The following PAPPA2 variants were observed in gnomAD, a reference collection of about 807,000 sequenced individuals.
PAPPA2 encodes pappalysin-2.
PAPPA2 carries 86 observed loss-of-function variants against 176.4 expected under a neutral mutation model. That is an observed-to-expected ratio of 0.49 (90% CI 0.41 to 0.58). The LOEUF (loss-of-function observed/expected upper bound fraction) is 0.58. Among genes scored for constraint, PAPPA2 ranks in the 20% least tolerant of loss-of-function variants. The pLI, the probability that PAPPA2 is intolerant of heterozygous loss-of-function variation, is 0.00. For missense variants in PAPPA2, 2,073 were observed against 2,256.9 expected (o/e 0.92, Z 1.65); for synonymous variants, 809 against 852.2 (o/e 0.95, Z 0.88).
At chr1:176,833,195 A>G (rs947751913) in intron 21 of PAPPA2, among the ~76,000 whole-genome samples, 3 of 152,194 alleles carry the variant, frequency 2.0e-5, no homozygotes, top group Non-Finnish European at 4.4e-5. Context: ...TTCAACTGTT[A>G]GCCGAAAACA....
At chr1:176,731,707 GTA>G (rs1176988904) in intron 12 of PAPPA2, among the ~76,000 whole-genome samples, 3 of 151,268 alleles carry the variant, frequency 2.0e-5, no homozygotes, top group South Asian at 2.1e-4. Flanking sequence ...ACATATATGT[GTA>G]TATATACACA....
intron 2 of PAPPA2, among the ~76,000 whole-genome samples, chr1:176,581,353 G>A (rs529617169): frequency 3.4e-4 from 51 of 152,202 alleles, no homozygotes; most frequent in African/African-American, 1.2e-3. Context: ...ATGCTATTTT[G>A]GTTACTATAG....
At chr1:176,698,730 T>A (rs970476442) in intron 7 of PAPPA2, among the ~76,000 whole-genome samples, 3 of 152,230 alleles carry the variant, frequency 2.0e-5, no homozygotes, top group Non-Finnish European at 4.4e-5. Flanking sequence ...TTCAGAAGCA[T>A]TAATTTATCA....
rs774554861 is a variant in PAPPA2 at position 176,712,027 on chromosome 1, ATATG to A, written c.3798+48_3798+51del. The A allele has an allele frequency of 6.4e-6, 10 of 1,554,750 alleles. No homozygotes were observed. The South Asian group carries it at 6.8e-5, about 11-fold the overall frequency. The stretch of plus-strand genomic sequence containing the variant: ...TTTTGTGCATGTGAAAGGTGTAAGC[ATATG>A]TGTGTGTGTGTGTGTGTGTGTGTGT... On this transcript the variant is annotated intron_variant, in intron 12 of 22. Transcript: ENST00000367662.
chr1:176,531,204 A>C (rs1211126759), intron 1 of PAPPA2, among the ~76,000 whole-genome samples: 1 of 152,210 alleles, frequency 6.6e-6, no homozygotes, highest in Non-Finnish European at 1.5e-5. Context: ...TCCAACTTGG[A>C]TTCTGCCTGT....
At chr1:176,600,919 A>G (rs903819446) in intron 3 of PAPPA2, among the ~76,000 whole-genome samples, 1 of 152,154 alleles carries the variant, frequency 6.6e-6, no homozygotes, top group Non-Finnish European at 1.5e-5. Context: ...ATGTATGAAC[A>G]ACTCTCCTCA....
At position 176,765,173 on chromosome 1, in the gene PAPPA2, C is replaced by T. The variant is rs143529708; in HGVS notation, c.4152-493C>T. 6.6e-5 allele frequency among the ~76,000 whole-genome samples: 10 copies of T among 152,300 alleles called. 1 individual carries two copies. The East Asian group carries it at 1.9e-3, about 29-fold the overall frequency. On this transcript the variant is annotated intron_variant, in intron 14 of 22. Transcript: ENST00000367662. ...GTTAATTGGTGTTGCCTTTCTGTCACCTTAGAAACCTAGGCCCTTCAGACA... is the reference window on the plus strand; with the variant it reads ...GTTAATTGGTGTTGCCTTTCTGTCATCTTAGAAACCTAGGCCCTTCAGACA...
chr1:176,675,426 A>T (rs1358580241), intron 4 of PAPPA2, among the ~76,000 whole-genome samples: 2 of 152,104 alleles, frequency 1.3e-5, no homozygotes, highest in Non-Finnish European at 2.9e-5. Context: ...ATGAAAATGC[A>T]TAGTTTCTTC....
Position 176,556,346 on chromosome 1 carries a change from A to C in PAPPA2, c.24A>C (p.Arg8Ser). ...GTATGATGTGCTTAAAGATCCTAAG[A>C]ATAAGCCTGGCGATTTTGGCTGGGT... is the stretch of plus-strand genomic sequence containing the variant. MMCLKIL[R>S]ISLAILAGWA... Residue 8 changes from arginine to serine, a missense_variant, in exon 2 of 23, where the codon AGA (arginine) becomes AGC (serine). This residue lies in a region of PAPPA2 where 1,196 missense variants were observed against 1,330.4 expected (regional missense o/e 0.90). Coordinates refer to ENST00000367662, the MANE Select transcript of PAPPA2 (RefSeq NM_020318.3). 1 of 1,614,012 alleles carries C rather than the reference A, an allele frequency of 6.2e-7. No homozygotes were observed. The highest frequency in any genetic ancestry group is 1.7e-5 in the Admixed American group (1 of 60,014).
At chr1:176,590,969 G>A (rs559216351) in intron 2 of PAPPA2, among the ~76,000 whole-genome samples, 3 of 152,062 alleles carry the variant, frequency 2.0e-5, no homozygotes, top group South Asian at 2.1e-4. Context: ...CTGGCTCAGA[G>A]GATGGTTTTA....
At chr1:176,524,226 A>G (rs1162902943) in intron 1 of PAPPA2, among the ~76,000 whole-genome samples, 3 of 152,170 alleles carry the variant, frequency 2.0e-5, no homozygotes, top group Admixed American at 6.5e-5. Context: ...TGATGTAATA[A>G]GCCATATACG....
chr1:176,504,735 T>C (rs921109040), intron 1 of PAPPA2, among the ~76,000 whole-genome samples: 1 of 152,168 alleles, frequency 6.6e-6, no homozygotes, highest in Admixed American at 6.6e-5. Context: ...TGGATAGCCA[T>C]GTGACCTGCT....
Position 176,524,314 on chromosome 1 carries a change from A to G in PAPPA2, c.-916-31093A>G, listed in dbSNP as rs1051013034. Reference sequence around the variant, plus strand: ...AGAATTTGCAATATGGTGCCATGACAATGTCCAAGAATGCTGGAATCTGGC... The same window carrying G: ...AGAATTTGCAATATGGTGCCATGACGATGTCCAAGAATGCTGGAATCTGGC... On this transcript the variant is annotated intron_variant, in intron 1 of 22. Coordinates refer to ENST00000367662, the MANE Select transcript of PAPPA2 (RefSeq NM_020318.3). 2.0e-5 allele frequency among the ~76,000 whole-genome samples: 3 copies of G among 152,174 alleles called. No homozygotes were observed. The East Asian group carries it at 5.8e-4, about 29-fold the overall frequency.
chr1:176,765,908 G>C, intron 15 of PAPPA2, 71 bp downstream of exon 15: 1 of 1,543,648 alleles, frequency 6.5e-7, no homozygotes, highest in Non-Finnish European at 8.8e-7. Context: ...CTTCTCTCTG[G>C]CTCCACAGGG....
At chr1:176,630,486 T>C (rs1412884749) in intron 3 of PAPPA2, among the ~76,000 whole-genome samples, 2 of 152,256 alleles carry the variant, frequency 1.3e-5, no homozygotes, top group South Asian at 2.1e-4. Flanking sequence ...TGCTGAGCTA[T>C]GGAGTGTGGC....
chr1:176,841,980 A>G lies in PAPPA2; in HGVS notation c.5302-400A>G, dbSNP rs1001964576. ...AGAGAAAATGCTAATGCTACCATTC[A>G]TCTTTCCTACTTTACAGGGAAAGTG... is the stretch of plus-strand genomic sequence containing the variant. On this transcript the variant is annotated intron_variant, in intron 22 of 22. Transcript: ENST00000367662. Among the ~76,000 whole-genome samples, 5 of 152,298 alleles carry G rather than the reference A, an allele frequency of 3.3e-5. No homozygotes were observed. In the East Asian group the frequency reaches 5.8e-4, roughly 18 times the overall value.
chr1:176,585,172 T>G (rs959766217), intron 2 of PAPPA2, among the ~76,000 whole-genome samples: 1 of 152,256 alleles, frequency 6.6e-6, no homozygotes, highest in Admixed American at 6.5e-5. Flanking sequence ...AAGGCTAATC[T>G]AGTGGTGATG....
At chr1:176,691,462 G>A (rs1359266241) in intron 5 of PAPPA2, among the ~76,000 whole-genome samples, 4 of 152,218 alleles carry the variant, frequency 2.6e-5, no homozygotes, top group East Asian at 1.9e-4. Context: ...AACACCAGAC[G>A]ATGCCATGCA....
chr1:176,802,073 C>T (rs370885413), intron 21 of PAPPA2, among the ~76,000 whole-genome samples: 29 of 152,284 alleles, frequency 1.9e-4, no homozygotes, highest in African/African-American at 7.0e-4. Context: ...AATGCACATT[C>T]TCAGGCCCCC....
Sources: gnomAD v4.1 joint callset for allele counts (sites outside exome capture counted in the v4.1 genomes callset) on GRCh38, gnomAD v4.1.1 for gene constraint, gnomAD v4.1.1 regional missense constraint, MANE v1.5 for transcripts, NCBI Gene and HGNC (gene_info 2026-07-23, HGNC 2026-07-21) for gene names.